CTNNBIP1: variants seen among roughly 807,000 people sequenced by gnomAD.
The protein encoded by CTNNBIP1 is catenin beta interacting protein 1.
A neutral mutation model predicts 11.8 loss-of-function variants in CTNNBIP1; 7 were observed. The ratio of observed to expected loss-of-function variants is 0.60; its 90% CI spans 0.34 to 1.12. The LOEUF is 1.12. Ranked by LOEUF, CTNNBIP1 falls within the 50% of genes most tolerant of loss-of-function variation. The pLI is 0.03. For synonymous variants in CTNNBIP1, 58 were observed against 43.9 expected (o/e 1.32, Z -1.26); for missense variants, 101 against 113.4 (o/e 0.89, Z 0.50).
At chr1:9,897,488 CA>C (rs1159909801) in intron 1 of CTNNBIP1, among the ~76,000 whole-genome samples, 1 of 145,202 alleles carries the variant, frequency 6.9e-6, no homozygotes, top group Non-Finnish European at 1.5e-5. Context: ...CAAAACAAAA[CA>C]AAAAAAATGA....
At chr1:9,879,769 G>A (rs1043384396) in intron 2 of CTNNBIP1, among the ~76,000 whole-genome samples, 7 of 152,140 alleles carry the variant, frequency 4.6e-5, no homozygotes, top group Admixed American at 1.3e-4. Flanking sequence ...TACCATGACA[G>A]CCAATTATCA....
chr1:9,891,604 C>G (rs1194912494), intron 1 of CTNNBIP1, among the ~76,000 whole-genome samples: 1 of 152,030 alleles, frequency 6.6e-6, no homozygotes, highest in Non-Finnish European at 1.5e-5. Flanking sequence ...TGAGAGACCC[C>G]AGGTGCAGCC....
intron 2 of CTNNBIP1, among the ~76,000 whole-genome samples, chr1:9,878,736 AG>A (rs1639021665): frequency 6.6e-6 from 1 of 152,184 alleles, no homozygotes; most frequent in Admixed American, 6.5e-5. Context: ...GGAGGCTGTG[AG>A]GGGCGCTGGG....
At chr1:9,888,411 G>A (rs1245238569) in intron 1 of CTNNBIP1, among the ~76,000 whole-genome samples, 1 of 151,980 alleles carries the variant, frequency 6.6e-6, no homozygotes, top group African/African-American at 2.4e-5. Context: ...GTGAAACCCC[G>A]TCTCTACTAA....
intron 1 of CTNNBIP1, among the ~76,000 whole-genome samples, chr1:9,903,803 A>G (rs1172389211): frequency 6.6e-6 from 1 of 152,180 alleles, no homozygotes; most frequent in Non-Finnish European, 1.5e-5. Flanking sequence ...GACTACCCTA[A>G]GAGTATCACC....
chr1:9,909,318 G>C (rs1297851300), intron 1 of CTNNBIP1, among the ~76,000 whole-genome samples: 1 of 152,216 alleles, frequency 6.6e-6, no homozygotes, highest in African/African-American at 2.4e-5. Context: ...CAAGCCACAC[G>C]TCTCATTATT....
At chr1:9,905,886 G>C (rs1639611127) in intron 1 of CTNNBIP1, among the ~76,000 whole-genome samples, 1 of 152,142 alleles carries the variant, frequency 6.6e-6, no homozygotes, top group Admixed American at 6.5e-5. Context: ...TGCTCAATCA[G>C]TCATTCAATT....
chr1:9,902,091 C>T (rs1639532961), intron 1 of CTNNBIP1, among the ~76,000 whole-genome samples: 1 of 152,140 alleles, frequency 6.6e-6, no homozygotes, highest in African/African-American at 2.4e-5. Flanking sequence ...GAAGAAAGAA[C>T]CCTGCCCCCA....
At chr1:9,860,543 G>A (rs969198969) in intron 5 of CTNNBIP1, among the ~76,000 whole-genome samples, 1 of 149,432 alleles carries the variant, frequency 6.7e-6, no homozygotes, top group Non-Finnish European at 1.5e-5. Flanking sequence ...CTGGGAGGCG[G>A]AGGTTGCAGT....
rs17034417 is a variant in CTNNBIP1, at chr1:9,876,805, T to C, written c.-25+1100A>G. 5.0e-3 allele frequency among the ~76,000 whole-genome samples: 752 copies of C among 150,502 alleles called. 7 individuals carry two copies. Among genetic ancestry groups the C allele is most frequent in the African/African-American group, 0.017 (700 of 40,944 alleles). ...TACAATGAAAAGACATTAAGGTACA[T>C]ACCTTCAATTTAGACACAGAGACAC... On this transcript the variant is annotated intron_variant, in intron 3 of 5. Coordinates refer to ENST00000377263, the MANE Select transcript of CTNNBIP1 (RefSeq NM_020248.3).
chr1:9,905,405 G>A (rs1393052919), intron 1 of CTNNBIP1, among the ~76,000 whole-genome samples: 1 of 151,308 alleles, frequency 6.6e-6, no homozygotes, highest in Admixed American at 6.6e-5. Context: ...ATTTTCCCCC[G>A]TATCTCTTTC....
intron 1 of CTNNBIP1, among the ~76,000 whole-genome samples, chr1:9,894,516 C>T (rs1001688867): frequency 6.6e-6 from 1 of 151,106 alleles, no homozygotes; most frequent in African/African-American, 2.4e-5. Flanking sequence ...CAACCACACT[C>T]GACTGCTTTT....
chr1:9,868,730 C>T (rs1017689033), intron 5 of CTNNBIP1, among the ~76,000 whole-genome samples: 7 of 151,942 alleles, frequency 4.6e-5, no homozygotes, highest in African/African-American at 1.5e-4. Context: ...CAGATTCAAG[C>T]GGTTCTCCTG....
At chr1:9,873,999 C>T (rs901064226) in intron 3 of CTNNBIP1, among the ~76,000 whole-genome samples, 1 of 152,034 alleles carries the variant, frequency 6.6e-6, no homozygotes, top group Admixed American at 6.5e-5. Context: ...TCATCCTCCC[C>T]AAAACAGATG....
intron 1 of CTNNBIP1, among the ~76,000 whole-genome samples, chr1:9,887,482 G>A (rs1639210259): frequency 6.6e-6 from 1 of 152,142 alleles, no homozygotes; most frequent in South Asian, 2.1e-4. Context: ...TTTGGAAGGT[G>A]GAGGCGGGCA....
intron 1 of CTNNBIP1, among the ~76,000 whole-genome samples, chr1:9,891,533 C>G (rs1639299393): frequency 6.6e-6 from 1 of 152,150 alleles, no homozygotes; most frequent in African/African-American, 2.4e-5. Context: ...AGGACTGTGC[C>G]CCCGGAAGCA....
At chr1:9,893,795 A>T (rs1452311589) in intron 1 of CTNNBIP1, among the ~76,000 whole-genome samples, 1 of 152,238 alleles carries the variant, frequency 6.6e-6, no homozygotes, top group African/African-American at 2.4e-5. Flanking sequence ...ATCAACGCAC[A>T]GGACAAAGCA....
intron 1 of CTNNBIP1, among the ~76,000 whole-genome samples, chr1:9,896,841 C>CCTGT (rs991036037): frequency 5.3e-5 from 8 of 152,120 alleles, no homozygotes; most frequent in African/African-American, 1.9e-4. Flanking sequence ...GTGGCACGTG[C>CCTGT]CTGTAGTCCC....
chr1:9,881,540 T>C (rs780751380), intron 2 of CTNNBIP1, among the ~76,000 whole-genome samples: 32 of 151,936 alleles, frequency 2.1e-4, no homozygotes, highest in Non-Finnish European at 4.1e-4. Context: ...GATTTCACCA[T>C]GTTGGCCAGG....
Sources: gnomAD v4.1 joint callset for allele counts (sites outside exome capture counted in the v4.1 genomes callset) on GRCh38, gnomAD v4.1.1 for gene constraint, MANE v1.5 for transcripts, NCBI Gene and HGNC (gene_info 2026-07-23, HGNC 2026-07-21) for gene names.